The following CCDC33 variants were observed in gnomAD, a reference collection of about 807,000 sequenced individuals.
The protein encoded by CCDC33 is coiled-coil domain-containing protein 33.
A neutral mutation model predicts 91.9 loss-of-function variants in CCDC33; 94 were observed. The ratio of observed to expected loss-of-function variants is 1.02; its 90% CI spans 0.87 to 1.21. The LOEUF (loss-of-function observed/expected upper bound fraction) is 1.21, where lower values mean the gene tolerates loss of function less well. Among genes scored for constraint, CCDC33 ranks in the 50% most tolerant of loss-of-function variants. CCDC33 has a pLI of 0.00. For missense variants in CCDC33, 940 were observed against 935.5 expected (o/e 1.00, Z -0.06); for synonymous variants, 396 against 374.5 (o/e 1.06, Z -0.66).
chr15:74,233,405 C>T (rs977708388), upstream of CCDC33, among the ~76,000 whole-genome samples: 3 of 152,244 alleles, frequency 2.0e-5, no homozygotes, highest in Non-Finnish European at 4.4e-5. Context: ...ATGGAAAACT[C>T]TGAGAGGGCT....
At chr15:74,328,619 G>T (rs2060359272) in intron 11 of CCDC33, among the ~76,000 whole-genome samples, 1 of 152,222 alleles carries the variant, frequency 6.6e-6, no homozygotes, top group Admixed American at 6.5e-5. Context: ...GTGCTGGAGA[G>T]ATGAACCTGG....
chr15:74,263,585 G>T (rs2076085143), intron 3 of CCDC33, among the ~76,000 whole-genome samples: 1 of 152,334 alleles, frequency 6.6e-6, no homozygotes, highest in African/African-American at 2.4e-5. Flanking sequence ...GCCTGTAAAG[G>T]GATAGGTGGA....
chr15:74,282,829 G>A (rs1210650300), intron 10 of CCDC33, among the ~76,000 whole-genome samples: 1 of 152,104 alleles, frequency 6.6e-6, no homozygotes, highest in Non-Finnish European at 1.5e-5. Flanking sequence ...CTGCTCATTT[G>A]GCTGCAGTGC....
intron 11 of CCDC33, chr15:74,304,236 C>CT (rs2059849634): frequency 6.6e-6 from 1 of 152,204 alleles, no homozygotes; most frequent in Non-Finnish European, 1.5e-5. Context: ...GAATGAGGGG[C>CT]AATGTGTTGG....
At position 74,209,055 on chromosome 15, in the gene CCDC33, C is replaced by A. The variant is rs7178412; in HGVS notation, n.90-333C>A. 70,099 of 1,200,034 alleles carry A rather than the reference C, an allele frequency of 0.058. 2,159 individuals are homozygous for A. The highest frequency in any genetic ancestry group is 0.12 in the East Asian group (2,609 of 21,324). 74.3% of individuals were successfully genotyped at this position (1,200,034 alleles called of 1,614,324 possible). A position where few individuals can be genotyped will look rare whatever the true frequency, so the allele number is the denominator to read the frequency against. On this transcript the variant is annotated intron_variant and non_coding_transcript_variant, in intron 1 of 3. Transcript: ENST00000558645. ...TGCTCCTCCCGGAAGGCAGCTCCCC[C>A]CTTCTCCAGTCTGGCTCTGCCCCTC...
chr15:74,241,038 G>T (rs12905362), intron 1 of CCDC33, among the ~76,000 whole-genome samples: 78,321 of 152,030 alleles, frequency 0.52, 21,394 homozygotes, highest in Non-Finnish European at 0.63. Flanking sequence ...ACCCAGGAGG[G>T]CAGGGAACAG....
intron 2 of CCDC33, among the ~76,000 whole-genome samples, chr15:74,210,412 A>ATT (rs1175931735): frequency 6.6e-6 from 1 of 152,240 alleles, no homozygotes; most frequent in African/African-American, 2.4e-5. Flanking sequence ...AAGTAACAGT[A>ATT]ACCAAGAAAG....
At chr15:74,229,127 G>T (rs2074892635) in intron 2 of CCDC33, among the ~76,000 whole-genome samples, 1 of 152,188 alleles carries the variant, frequency 6.6e-6, no homozygotes, top group Non-Finnish European at 1.5e-5. Flanking sequence ...GGAGAGTGCT[G>T]TGATTAAGGC....
At chr15:74,254,892 C>T (rs976247165) in intron 2 of CCDC33, among the ~76,000 whole-genome samples, 2 of 152,016 alleles carry the variant, frequency 1.3e-5, no homozygotes, top group African/African-American at 2.4e-5. Flanking sequence ...GGATTACAGG[C>T]GTGTGCCAAC....
upstream of CCDC33, among the ~76,000 whole-genome samples, chr15:74,233,983 C>T (rs957026739): frequency 1.3e-5 from 2 of 152,170 alleles, no homozygotes; most frequent in South Asian, 4.1e-4. Context: ...AGACACACTC[C>T]CCTGAGTCTC....
intron 10 of CCDC33, among the ~76,000 whole-genome samples, chr15:74,292,479 T>TA (rs944110724): frequency 1.3e-5 from 2 of 152,182 alleles, no homozygotes; most frequent in African/African-American, 4.8e-5. Flanking sequence ...AGGGAGAATT[T>TA]AGACATGATG....
At chr15:74,314,136 A>G (rs1050014098) in intron 11 of CCDC33, among the ~76,000 whole-genome samples, 1 of 152,128 alleles carries the variant, frequency 6.6e-6, no homozygotes, top group African/African-American at 2.4e-5. Flanking sequence ...ATACCCTCCA[A>G]TACACCCTTG....
chr15:74,216,550 T>TG (rs2074452096), upstream of CCDC33, among the ~76,000 whole-genome samples: 1 of 56,998 alleles, frequency 1.8e-5, no homozygotes, highest in Non-Finnish European at 3.5e-5. Context: ...TTTTTTTTTT[T>TG]TCCCGAGATG....
intron 11 of CCDC33, among the ~76,000 whole-genome samples, chr15:74,311,149 G>C (rs533660923): frequency 1.3e-5 from 2 of 152,204 alleles, no homozygotes; most frequent in African/African-American, 2.4e-5. Context: ...CCATCACCCT[G>C]GTCCCTTCCC....
upstream of CCDC33, among the ~76,000 whole-genome samples, chr15:74,233,714 G>A (rs936267670): frequency 6.6e-6 from 1 of 152,208 alleles, no homozygotes; most frequent in East Asian, 1.9e-4. Context: ...ATAACCATCC[G>A]TGTTAAGAGC....
At chr15:74,297,407 A>G (rs1451126216) in intron 11 of CCDC33, among the ~76,000 whole-genome samples, 2 of 152,188 alleles carry the variant, frequency 1.3e-5, no homozygotes, top group African/African-American at 4.8e-5. Context: ...AGTAAAGGAA[A>G]GAGAGGCCAG....
chr15:74,309,016 CAG>C (rs1394235627), intron 11 of CCDC33, among the ~76,000 whole-genome samples: 1 of 152,120 alleles, frequency 6.6e-6, no homozygotes, highest in African/African-American at 2.4e-5. Context: ...TGGGCTCACT[CAG>C]AGAGCTGGCT....
chr15:74,315,093 G>T (rs2060065587), intron 11 of CCDC33, among the ~76,000 whole-genome samples: 1 of 152,246 alleles, frequency 6.6e-6, no homozygotes, highest in Non-Finnish European at 1.5e-5. Flanking sequence ...GCAGGGGTAA[G>T]GGGAGCAGAG....
intron 1 of CCDC33, among the ~76,000 whole-genome samples, chr15:74,241,967 T>C (rs894878156): frequency 6.6e-6 from 1 of 152,126 alleles, no homozygotes; most frequent in Admixed American, 6.5e-5. Context: ...AGTCCAGAGT[T>C]CGTTAGCTTT....
Sources: allele counts gnomAD v4.1 joint callset (sites outside exome capture counted in the v4.1 genomes callset), GRCh38; gene constraint gnomAD v4.1.1; transcripts MANE v1.5; gene names NCBI Gene and HGNC (gene_info 2026-07-23, HGNC 2026-07-21).